The following ARHGEF10 variants were observed in gnomAD, a reference collection of about 807,000 sequenced individuals.
ARHGEF10 encodes Rho guanine nucleotide exchange factor (GEF) 10.
Under a neutral mutation model 147.4 loss-of-function variants are expected in ARHGEF10, and 140 were observed. The observed-to-expected ratio is 0.95, with a 90% CI of 0.83 to 1.09. ARHGEF10 has a LOEUF of 1.09. Among genes scored for constraint, ARHGEF10 ranks in the 50% least tolerant of loss-of-function variants. The pLI, the probability that ARHGEF10 is intolerant of heterozygous loss-of-function variation, is 0.00. For synonymous variants in ARHGEF10, 902 were observed against 695.8 expected (o/e 1.30, Z -4.67); for missense variants, 2,222 against 1,752.7 (o/e 1.27, Z -4.78).
intron 2 of ARHGEF10, among the ~76,000 whole-genome samples, chr8:1,850,290 GTGGGCA>G (rs1805011529): frequency 7.6e-6 from 1 of 131,598 alleles, no homozygotes; most frequent in Non-Finnish European, 1.7e-5. Context: ...GGGCGGCCGC[GTGGGCA>G]TGGACGGCAA....
intron 18 of ARHGEF10, among the ~76,000 whole-genome samples, chr8:1,913,399 T>C (rs991547746): frequency 8.5e-5 from 13 of 152,242 alleles, no homozygotes; most frequent in African/African-American, 3.1e-4. Context: ...TTGAATCTAC[T>C]TGAAAGGAAA....
chr8:1,884,971 C>G (rs1210184408), intron 10 of ARHGEF10, among the ~76,000 whole-genome samples: 1 of 152,134 alleles, frequency 6.6e-6, no homozygotes, highest in Non-Finnish European at 1.5e-5. Flanking sequence ...TGCTATGTTG[C>G]CCAGGCTGGT....
At chr8:1,938,870 A>G (rs899260220) in intron 26 of ARHGEF10, among the ~76,000 whole-genome samples, 2 of 152,048 alleles carry the variant, frequency 1.3e-5, no homozygotes, top group African/African-American at 4.8e-5. Context: ...AACACTGTGG[A>G]ATCTCAGTCC....
At chr8:1,884,596 T>G (rs901231257) in intron 10 of ARHGEF10, among the ~76,000 whole-genome samples, 1 of 152,114 alleles carries the variant, frequency 6.6e-6, no homozygotes, top group African/African-American at 2.4e-5. Context: ...TGGGCATCAG[T>G]AGGTTTTAAA....
chr8:1,826,203 GAAGTT>G, intron 1 of ARHGEF10: 2 of 1,377,976 alleles, frequency 1.5e-6, no homozygotes, highest in Non-Finnish European at 2.0e-6. Flanking sequence ...GGGGTGAAGT[GAAGTT>G]AAAAGTTATT....
intron 1 of ARHGEF10, among the ~76,000 whole-genome samples, chr8:1,839,262 T>TCTGGTGTGG (rs1803790837): frequency 2.5e-5 from 2 of 79,022 alleles, no homozygotes; most frequent in South Asian, 4.5e-4. Context: ...CCGCTGTGGG[T>TCTGGTGTGG]ACTGTCTGGT....
intron 27 of ARHGEF10, among the ~76,000 whole-genome samples, chr8:1,947,599 T>G (rs1450908296): frequency 1.3e-5 from 2 of 151,978 alleles, no homozygotes; most frequent in Admixed American, 6.6e-5. Context: ...AAGCCTGCGC[T>G]CTGGGGACTC....
intron 26 of ARHGEF10, among the ~76,000 whole-genome samples, chr8:1,940,370 A>G (rs1813987012): frequency 6.6e-6 from 1 of 152,210 alleles, no homozygotes; most frequent in Non-Finnish European, 1.5e-5. Flanking sequence ...AAATTAGATA[A>G]TCTAGAAGAG....
intron 2 of ARHGEF10, among the ~76,000 whole-genome samples, chr8:1,845,427 T>C (rs56089866): frequency 0.14 from 20,980 of 152,162 alleles, 1,805 homozygotes; most frequent in African/African-American, 0.24. Context: ...CCCACACACA[T>C]GTAAGATGGC....
intron 27 of ARHGEF10, among the ~76,000 whole-genome samples, chr8:1,949,561 G>C (rs2280822): frequency 1.3e-5 from 2 of 151,952 alleles, no homozygotes; most frequent in Non-Finnish European, 2.9e-5. Context: ...TTTTTGATGG[G>C]AAAGTGCTGA....
chr8:1,923,427 T>C, intron 19 of ARHGEF10, 41 bp from the exon 20 acceptor site: 1 of 1,613,970 alleles, frequency 6.2e-7, no homozygotes, highest in Non-Finnish European at 8.5e-7. Flanking sequence ...GGCCCTAGTT[T>C]TTAAACACTT....
chr8:1,944,422 T>C (rs1230866973), intron 26 of ARHGEF10, among the ~76,000 whole-genome samples: 2 of 152,194 alleles, frequency 1.3e-5, no homozygotes, highest in Non-Finnish European at 2.9e-5. Flanking sequence ...GGATCTCCCA[T>C]CCACTGAAGT....
chr8:1,854,270 T>G (rs1317946908), intron 2 of ARHGEF10, among the ~76,000 whole-genome samples: 1 of 152,080 alleles, frequency 6.6e-6, no homozygotes, highest in Admixed American at 6.5e-5. Context: ...GAGGCCCCCT[T>G]GGAGGTGGGG....
At chr8:1,829,917 A>G (rs1355385903) in intron 1 of ARHGEF10, among the ~76,000 whole-genome samples, 1 of 152,176 alleles carries the variant, frequency 6.6e-6, no homozygotes, top group African/African-American at 2.4e-5. Flanking sequence ...ATAGGAAGGA[A>G]TGAAAGGTGC....
chr8:1,842,853 C>G (rs62477501), intron 1 of ARHGEF10, among the ~76,000 whole-genome samples: 2 of 152,120 alleles, frequency 1.3e-5, no homozygotes, highest in Non-Finnish European at 2.9e-5. Flanking sequence ...AGCCTCGCCC[C>G]GAGAGGTTAG....
Position 1,893,589 on chromosome 8 carries a change from G to C in ARHGEF10, c.1203G>C (p.Leu401=), listed in dbSNP as rs748881544. 3.1e-6 allele frequency: 5 copies of C among 1,613,488 alleles called. No homozygotes were observed. In the South Asian group the frequency reaches 5.5e-5, roughly 18 times the overall value. ...AACAGGTTGTAAGAAGATATATACTGGGTTCAGTTGTCGACAGTGAAAAGA... is the reference window on the plus strand; with the variant it reads ...AACAGGTTGTAAGAAGATATATACTCGGTTCAGTTGTCGACAGTGAAAAGA... The part of the protein sequence containing the change: ...SQQQVVRRYI[L]GSVVDSEKNY... Residue 401 remains leucine, a synonymous_variant, in exon 12 of 29, where the codon CTG becomes CTC. Coordinates refer to ENST00000349830, the MANE Select transcript of ARHGEF10 (RefSeq NM_014629.4).
In ARHGEF10 at chr8:1,855,932, C is replaced by G. The variant is rs553396506; in HGVS notation, c.38-2028C>G. ...TAATGATATGGCAAAAAAAAAAACCCCTTCTGAAATAGGTTTTGTTTACGG... is the reference window on the plus strand; with the variant it reads ...TAATGATATGGCAAAAAAAAAAACCGCTTCTGAAATAGGTTTTGTTTACGG... On this transcript the variant is annotated intron_variant, in intron 2 of 28. Coordinates refer to ENST00000349830, the MANE Select transcript of ARHGEF10 (RefSeq NM_014629.4). Among the ~76,000 whole-genome samples, 7 of 151,996 alleles carry G rather than the reference C, an allele frequency of 4.6e-5. No homozygotes were observed. The South Asian group carries it at 1.5e-3, about 32-fold the overall frequency.
intron 2 of ARHGEF10, among the ~76,000 whole-genome samples, chr8:1,848,538 G>T (rs1029009791): frequency 6.6e-6 from 1 of 152,182 alleles, no homozygotes; most frequent in African/African-American, 2.4e-5. Context: ...TTTATTCAGT[G>T]AATGTTGTAT....
At chr8:1,888,213 C>CGAGGAGACAGTGAGTGTGGT (rs1563234036) in intron 11 of ARHGEF10, among the ~76,000 whole-genome samples, 1 of 26,338 alleles carries the variant, frequency 3.8e-5, no homozygotes, top group African/African-American at 1.7e-4. Flanking sequence ...CTTAGTGGGG[C>CGAGGAGACAGTGAGTGTGGT]GAGGGTTGCG....
Sources: allele counts gnomAD v4.1 joint callset (sites outside exome capture counted in the v4.1 genomes callset), GRCh38; gene constraint gnomAD v4.1.1; transcripts MANE v1.5; gene names NCBI Gene and HGNC (gene_info 2026-07-23, HGNC 2026-07-21).